The following RALYL variants were observed in gnomAD, a reference collection of about 807,000 sequenced individuals.
RALYL encodes the protein RNA-binding Raly-like protein.
RALYL carries 29 observed loss-of-function variants against 35.1 expected under a neutral mutation model. That is an observed-to-expected ratio of 0.83 (90% CI 0.61 to 1.13). The LOEUF (loss-of-function observed/expected upper bound fraction) is 1.13, where lower values mean the gene tolerates loss of function less well. Among genes scored for constraint, RALYL ranks in the 50% most tolerant of loss-of-function variants. RALYL has a pLI of 0.00. For synonymous variants in RALYL, 120 were observed against 127.6 expected (o/e 0.94, Z 0.40); for missense variants, 359 against 360.4 (o/e 1.00, Z 0.03).
At chr8:84,813,196 C>A (rs191953378) in intron 4 of RALYL, among the ~76,000 whole-genome samples, 1 of 152,142 alleles carries the variant, frequency 6.6e-6, no homozygotes, top group Non-Finnish European at 1.5e-5. Flanking sequence ...TTTCTCCAGT[C>A]GGGGGTGTGT....
chr8:84,690,963 A>G (rs1234641979), intron 2 of RALYL, among the ~76,000 whole-genome samples: 1 of 152,054 alleles, frequency 6.6e-6, no homozygotes, highest in Non-Finnish European at 1.5e-5. Flanking sequence ...TGACATAACT[A>G]CTTTCAAATG....
At chr8:84,386,184 C>T (rs1192571642) in intron 1 of RALYL, among the ~76,000 whole-genome samples, 3 of 151,934 alleles carry the variant, frequency 2.0e-5, no homozygotes, top group Non-Finnish European at 2.9e-5. Context: ...CCTGTAATTA[C>T]TATTGCCACT....
intron 1 of RALYL, among the ~76,000 whole-genome samples, chr8:84,265,350 C>T (rs1005147254): frequency 1.3e-5 from 2 of 152,114 alleles, no homozygotes; most frequent in Admixed American, 1.3e-4. Flanking sequence ...GAAAGAGATA[C>T]TATGACAGAG....
intron 3 of RALYL, among the ~76,000 whole-genome samples, chr8:84,775,248 G>A (rs1215606097): frequency 1.3e-5 from 2 of 152,124 alleles, no homozygotes; most frequent in African/African-American, 4.8e-5. Context: ...GAGCCACCAC[G>A]CCCAGCCCTT....
chr8:84,605,660 C>T (rs919374670), intron 2 of RALYL, among the ~76,000 whole-genome samples: 3 of 152,106 alleles, frequency 2.0e-5, no homozygotes, highest in Admixed American at 6.6e-5. Context: ...AGTCCATTTG[C>T]TCCAAACCTA....
chr8:84,328,199 C>T (rs1321507793), intron 1 of RALYL, among the ~76,000 whole-genome samples: 1 of 152,186 alleles, frequency 6.6e-6, no homozygotes, highest in East Asian at 1.9e-4. Flanking sequence ...ATGACAACTA[C>T]TGAACAACTG....
At chr8:84,576,860 ACTGCAACT>A (rs1294579975) in intron 2 of RALYL, among the ~76,000 whole-genome samples, 1 of 152,210 alleles carries the variant, frequency 6.6e-6, no homozygotes, top group Admixed American at 6.5e-5. Flanking sequence ...TGAATTTGTG[ACTGCAACT>A]CTAAACCTTA....
rs150124977 is a variant in RALYL at position 84,599,128 on chromosome 8, A to G, written c.256+69551A>G. Among the ~76,000 whole-genome samples, 33 of 152,244 alleles carry G rather than the reference A, an allele frequency of 2.2e-4. No homozygotes were observed. The East Asian group carries it at 4.1e-3, about 19-fold the overall frequency. On this transcript the variant is annotated intron_variant, in intron 2 of 8. Coordinates refer to ENST00000521268, the MANE Select transcript of RALYL (RefSeq NM_173848.7). ...CTTAAGATTATTTAGATGTAAAAATAAATTGCTCTCATAGGGCTGAATAAC... is the reference window on the plus strand; with the variant it reads ...CTTAAGATTATTTAGATGTAAAAATGAATTGCTCTCATAGGGCTGAATAAC...
chr8:84,666,139 T>C (rs1379747629), intron 2 of RALYL, among the ~76,000 whole-genome samples: 1 of 152,000 alleles, frequency 6.6e-6, no homozygotes, highest in Non-Finnish European at 1.5e-5. Context: ...CCAACCAAGG[T>C]TGGCTCTATT....
chr8:84,556,892 C>T (rs2061162038), intron 2 of RALYL, among the ~76,000 whole-genome samples: 1 of 152,146 alleles, frequency 6.6e-6, no homozygotes, highest in Non-Finnish European at 1.5e-5. Flanking sequence ...CTCAGCAGAA[C>T]TGTCACAGGG....
chr8:84,361,647 G>A (rs923688966), intron 1 of RALYL, among the ~76,000 whole-genome samples: 5 of 152,150 alleles, frequency 3.3e-5, no homozygotes, highest in African/African-American at 1.2e-4. Context: ...AGCAGAAGCA[G>A]GTCAAGCTGA....
chr8:84,362,693 T>TA (rs1853308036), intron 1 of RALYL, among the ~76,000 whole-genome samples: 1 of 152,066 alleles, frequency 6.6e-6, no homozygotes, highest in Non-Finnish European at 1.5e-5. Context: ...CCCCAACCCC[T>TA]AGTCCATAGA....
chr8:84,326,083 G>A (rs1171940909), intron 1 of RALYL, among the ~76,000 whole-genome samples: 1 of 152,160 alleles, frequency 6.6e-6, no homozygotes, highest in Non-Finnish European at 1.5e-5. Context: ...CTGTACTCCA[G>A]CCTGGGCCAC....
At chr8:84,856,715 G>C (rs1005531744) in intron 5 of RALYL, among the ~76,000 whole-genome samples, 2 of 152,200 alleles carry the variant, frequency 1.3e-5, no homozygotes, top group African/African-American at 2.4e-5. Context: ...ACAGGGAACA[G>C]ATACACTACC....
intron 8 of RALYL, among the ~76,000 whole-genome samples, chr8:84,893,708 G>A (rs551746531): frequency 6.6e-6 from 1 of 152,306 alleles, no homozygotes; most frequent in Admixed American, 6.5e-5. Context: ...CCTGGAATCT[G>A]TGCTTTATCA....
At chr8:84,784,026 T>A (rs1475717498) in intron 3 of RALYL, among the ~76,000 whole-genome samples, 2 of 152,190 alleles carry the variant, frequency 1.3e-5, no homozygotes, top group African/African-American at 4.8e-5. Flanking sequence ...TCATTTCTTT[T>A]TAAACAATAG....
chr8:84,848,386 T>C (rs774717049), intron 4 of RALYL, among the ~76,000 whole-genome samples: 3 of 149,530 alleles, frequency 2.0e-5, no homozygotes, highest in Non-Finnish European at 4.5e-5. Flanking sequence ...AAATATTTTG[T>C]GTGTGTGTGT....
intron 2 of RALYL, among the ~76,000 whole-genome samples, chr8:84,651,707 T>C (rs1263090978): frequency 6.6e-6 from 1 of 152,014 alleles, no homozygotes; most frequent in Non-Finnish European, 1.5e-5. Flanking sequence ...AAACGTGTTA[T>C]ATGAAAAAAA....
chr8:84,408,689 C>G (rs550375777), intron 1 of RALYL, among the ~76,000 whole-genome samples: 1 of 152,058 alleles, frequency 6.6e-6, no homozygotes, highest in South Asian at 2.1e-4. Context: ...CAACCATGGA[C>G]GCTTGTTCAT....
Sources: allele counts gnomAD v4.1 joint callset (sites outside exome capture counted in the v4.1 genomes callset), GRCh38; gene constraint gnomAD v4.1.1; transcripts MANE v1.5; gene names NCBI Gene and HGNC (gene_info 2026-07-23, HGNC 2026-07-21).